RAPGEF4: variants seen among roughly 807,000 people sequenced by gnomAD.
The protein encoded by RAPGEF4 is RAP guanine-nucleotide-exchange factor (GEF) 4.
RAPGEF4 carries 66 observed loss-of-function variants against 147.9 expected under a neutral mutation model. The observed-to-expected ratio is 0.45, with a 90% CI of 0.37 to 0.55. RAPGEF4 has a LOEUF of 0.55. Among genes scored for constraint, RAPGEF4 ranks in the 20% least tolerant of loss-of-function variants. The pLI is 0.00. For synonymous variants in RAPGEF4, 419 were observed against 442.7 expected (o/e 0.95, Z 0.67); for missense variants, 1,071 against 1,257.3 (o/e 0.85, Z 2.24).
chr2:172,740,129 G>A (rs936803093), intron 1 of RAPGEF4, among the ~76,000 whole-genome samples: 2 of 152,228 alleles, frequency 1.3e-5, no homozygotes, highest in African/African-American at 2.4e-5. Flanking sequence ...TGGGCCCACA[G>A]AGCCTGAAAT....
intron 4 of RAPGEF4, among the ~76,000 whole-genome samples, chr2:172,816,955 C>A (rs1366775137): frequency 6.6e-6 from 1 of 152,194 alleles, no homozygotes; most frequent in Non-Finnish European, 1.5e-5. Flanking sequence ...ATGCAATAAA[C>A]CCCATTATCT....
At chr2:172,864,339 A>G (rs1429606755) in intron 4 of RAPGEF4, among the ~76,000 whole-genome samples, 2 of 152,196 alleles carry the variant, frequency 1.3e-5, no homozygotes, top group Non-Finnish European at 2.9e-5. Context: ...AGGAACACAA[A>G]AAGGTGTGCA....
At chr2:173,044,652 C>T (rs557040746) in intron 29 of RAPGEF4, among the ~76,000 whole-genome samples, 52 of 152,202 alleles carry the variant, frequency 3.4e-4, no homozygotes, top group Non-Finnish European at 6.6e-4. Context: ...ACATAAGCTC[C>T]GAAGACCTGT....
In RAPGEF4 at chr2:172,997,915, T is replaced by C. The variant is rs551573936; in HGVS notation, c.1579+1361T>C. On this transcript the variant is annotated intron_variant, in intron 16 of 30. Coordinates refer to ENST00000397081, the MANE Select transcript of RAPGEF4 (RefSeq NM_007023.4). Reference sequence around the variant, plus strand: ...TCATTCCAGTTTCTCATTTTATACATAGATTACCTGAGGTTTTTTATGTAG... The same window carrying C: ...TCATTCCAGTTTCTCATTTTATACACAGATTACCTGAGGTTTTTTATGTAG... 5.9e-5 allele frequency among the ~76,000 whole-genome samples: 9 copies of C among 152,346 alleles called. No individual in the cohort carries two copies. In the South Asian group the frequency reaches 1.5e-3, roughly 25 times the overall value.
intron 23 of RAPGEF4, among the ~76,000 whole-genome samples, chr2:173,024,279 G>A (rs187020828): frequency 0.021 from 2,867 of 138,620 alleles, 148 homozygotes; most frequent in Middle Eastern, 0.034. Context: ...GTGCAGTGGC[G>A]GGATCTCGGC....
At chr2:172,824,585 C>T (rs1398672172) in intron 4 of RAPGEF4, among the ~76,000 whole-genome samples, 1 of 152,178 alleles carries the variant, frequency 6.6e-6, no homozygotes, top group Non-Finnish European at 1.5e-5. Flanking sequence ...ACTTTAGAGT[C>T]AGAATCTGTG....
intron 1 of RAPGEF4, among the ~76,000 whole-genome samples, chr2:172,769,250 T>C (rs1211814361): frequency 6.6e-6 from 1 of 152,160 alleles, no homozygotes; most frequent in Non-Finnish European, 1.5e-5. Context: ...TTAGTGTGTA[T>C]GCATGGGAGT....
chr2:172,861,446 A>C (rs779667118), intron 4 of RAPGEF4, among the ~76,000 whole-genome samples: 15 of 152,236 alleles, frequency 9.9e-5, no homozygotes, highest in Non-Finnish European at 1.9e-4. Context: ...TTGAAGTGCC[A>C]GTTGCAAATA....
chr2:172,864,733 G>GA (rs1694437552), intron 4 of RAPGEF4, among the ~76,000 whole-genome samples: 1 of 152,154 alleles, frequency 6.6e-6, no homozygotes, highest in Admixed American at 6.5e-5. Context: ...GCAAAACCCT[G>GA]TCTCTACAAA....
At chr2:172,925,710 A>C (rs1685220273) in intron 6 of RAPGEF4, among the ~76,000 whole-genome samples, 1 of 151,000 alleles carries the variant, frequency 6.6e-6, no homozygotes, top group South Asian at 2.1e-4. Flanking sequence ...ATCACTAGAC[A>C]ATCTATCCTG....
intron 4 of RAPGEF4, among the ~76,000 whole-genome samples, chr2:172,878,454 G>A (rs572945993): frequency 1.4e-4 from 22 of 152,226 alleles, no homozygotes; most frequent in African/African-American, 5.3e-4. Context: ...ACAGCTTGGG[G>A]CAGATGGCAG....
chr2:172,739,414 C>T (rs1179782716), intron 1 of RAPGEF4, among the ~76,000 whole-genome samples: 5 of 151,804 alleles, frequency 3.3e-5, no homozygotes, highest in Non-Finnish European at 5.9e-5. Context: ...CTCTGTCACC[C>T]AGGCTGGAGT....
At chr2:173,030,523 C>G (rs1245892126) in intron 26 of RAPGEF4, among the ~76,000 whole-genome samples, 2 of 152,158 alleles carry the variant, frequency 1.3e-5, no homozygotes, top group African/African-American at 4.8e-5. Flanking sequence ...AAGTCCAGTT[C>G]CTAAGTATAA....
chr2:172,919,885 C>T (rs1197774622), intron 5 of RAPGEF4, among the ~76,000 whole-genome samples: 2 of 152,090 alleles, frequency 1.3e-5, no homozygotes, highest in African/African-American at 4.8e-5. Flanking sequence ...CTCTCGCCAT[C>T]ACCCCTGCTT....
At chr2:172,988,633 G>A (rs1692511531) in intron 13 of RAPGEF4, 60 bp from the exon 14 acceptor site, 8 of 1,522,478 alleles carry the variant, frequency 5.3e-6, no homozygotes, top group Admixed American at 3.5e-5. Context: ...GTGGCAGGAG[G>A]TGGTGGGTGT....
intron 4 of RAPGEF4, among the ~76,000 whole-genome samples, chr2:172,827,086 A>G (rs559084425): frequency 8.5e-5 from 13 of 152,330 alleles, no homozygotes; most frequent in Admixed American, 5.9e-4. Flanking sequence ...TTCCTCACCA[A>G]AAAGTTTCAT....
chr2:172,911,272 C>T (rs893860965), intron 4 of RAPGEF4, among the ~76,000 whole-genome samples: 2 of 152,196 alleles, frequency 1.3e-5, no homozygotes, highest in African/African-American at 2.4e-5. Context: ...GTCCCCCACA[C>T]CCAGCAAACA....
chr2:172,789,948 T>C (rs1307092987), intron 1 of RAPGEF4, among the ~76,000 whole-genome samples: 1 of 152,210 alleles, frequency 6.6e-6, no homozygotes, highest in South Asian at 2.1e-4. Context: ...CTCTTCAAGA[T>C]CCTGATTTCA....
At chr2:172,846,017 AC>A (rs1183233190) in intron 4 of RAPGEF4, among the ~76,000 whole-genome samples, 1 of 152,056 alleles carries the variant, frequency 6.6e-6, no homozygotes, top group Non-Finnish European at 1.5e-5. Context: ...AACATAGCAA[AC>A]CCTCCTCACC....
Sources: gnomAD v4.1 joint callset for allele counts (sites outside exome capture counted in the v4.1 genomes callset) on GRCh38, gnomAD v4.1.1 for gene constraint, MANE v1.5 for transcripts, NCBI Gene and HGNC (gene_info 2026-07-23, HGNC 2026-07-21) for gene names.